The following SLFN5 variants were observed in gnomAD, a reference collection of about 807,000 sequenced individuals.
SLFN5 encodes the protein schlafen family member 5.
A neutral mutation model predicts 48.5 loss-of-function variants in SLFN5; 34 were observed. That is an observed-to-expected ratio of 0.70 (90% CI 0.53 to 0.93). The LOEUF (loss-of-function observed/expected upper bound fraction) is 0.93. Among genes scored for constraint, SLFN5 ranks in the 40% least tolerant of loss-of-function variants. The probability of loss-of-function intolerance (pLI) is 0.00; values close to 1 mark genes in which losing one functional copy is unlikely to be tolerated. For synonymous variants in SLFN5, 387 were observed against 396.2 expected (o/e 0.98, Z 0.28); for missense variants, 1,006 against 1,071.3 (o/e 0.94, Z 0.85).
chr17:35,261,113 G>A lies in SLFN5; in HGVS notation c.1138+17G>A, dbSNP rs566693731. The A allele has an allele frequency of 1.2e-6, 2 of 1,610,960 alleles. No individual in the cohort carries two copies. Among genetic ancestry groups the A allele is most frequent in the African/African-American group, 1.3e-5 (1 of 74,936 alleles). On this transcript the variant is annotated intron_variant, in intron 3 of 4. Coordinates refer to ENST00000299977, the MANE Select transcript of SLFN5 (RefSeq NM_144975.4). ...ACTTTCCAGGTAATTGGCCATCTCT[G>A]GTTGCTTTGGAATATGTTGATTGTT...
chr17:35,252,874 C>A lies in SLFN5; in HGVS notation c.-40-5777C>A, dbSNP rs543337744. Among the ~76,000 whole-genome samples, 3 of 152,044 alleles carry A rather than the reference C, an allele frequency of 2.0e-5. No individual in the cohort carries two copies. In the South Asian group the frequency reaches 6.2e-4, roughly 32 times the overall value. ...CTCTCCCACTTCTGCTTGCCAGGAG[C>A]CTCTTGTCTCTCGGGCTTTTTCTTC... On this transcript the variant is annotated intron_variant, in intron 1 of 4. Transcript: ENST00000299977.
rs1212875114 is a variant in SLFN5 at position 35,272,196 on chromosome 17, A to G, written c.*6308A>G. 4 of 152,216 alleles carry G rather than the reference A, an allele frequency of 2.6e-5. No homozygotes were observed. Among genetic ancestry groups the G allele is most frequent in the Non-Finnish European group, 5.9e-5 (4 of 68,034 alleles). 9.4% of individuals were successfully genotyped at this position (152,216 alleles called of 1,614,324 possible). ...ATATGTGGAGGGTCAATGGAACAAG[A>G]TGAAATGGCCAAAAATAAATTTAAA... On this transcript the variant is annotated 3_prime_UTR_variant, in exon 5 of 5. Transcript: ENST00000299977.
rs1904601616 is a variant in SLFN5 at position 35,264,102 on chromosome 17, T to C, written c.1139-81T>C. The C allele has an allele frequency of 1.6e-5, 23 of 1,471,858 alleles. No individual in the cohort carries two copies. In the South Asian group the frequency reaches 3.1e-4, roughly 20 times the overall value. The allele number at this position is 1,471,858 out of a possible 1,614,324, so 91.2% of individuals were successfully genotyped here. A position where few individuals can be genotyped will look rare whatever the true frequency, so the allele number is the denominator to read the frequency against. On this transcript the variant is annotated intron_variant, in intron 3 of 4. Transcript: ENST00000299977. ...TAGATACATAGTAGAGTCCCAGTGT[T>C]GATTAATTCTTCTACGTATAATGAT...
intron 1 of SLFN5, among the ~76,000 whole-genome samples, chr17:35,245,529 T>C (rs1206967107): frequency 6.6e-6 from 1 of 152,212 alleles, no homozygotes; most frequent in African/African-American, 2.4e-5. Flanking sequence ...CTATATACTA[T>C]CAGAAAATAG....
In SLFN5 at chr17:35,265,478, G is replaced by A; in HGVS notation, c.2266G>A (p.Gly756Ser). Residue 756 changes from glycine to serine, a missense_variant, in exon 5 of 5, where the codon GGC becomes AGC. Gly to Ser is a moderately conservative substitution (Grantham distance 56, BLOSUM62 0). Coordinates refer to ENST00000299977, the MANE Select transcript of SLFN5 (RefSeq NM_144975.4). ...YEPKWAQGVP[G>S]NLEIIEDLNL... ...ACCTAAATGGGCTCAAGGTGTCCCA[G>A]GCAACTTAGAGATTATTGAAGACTT... The A allele has an allele frequency of 1.2e-6, 2 of 1,614,236 alleles. No individual in the cohort carries two copies. Among genetic ancestry groups the A allele is most frequent in the Non-Finnish European group, 1.7e-6 (2 of 1,180,048 alleles).
intron 1 of SLFN5, among the ~76,000 whole-genome samples, chr17:35,257,218 A>T (rs1904369448): frequency 6.6e-6 from 1 of 152,164 alleles, no homozygotes; most frequent in South Asian, 2.1e-4. Context: ...CCCCATATTT[A>T]CATTTCCCAC....
At chr17:35,262,690 C>G (rs1274730067) in intron 3 of SLFN5, among the ~76,000 whole-genome samples, 1 of 152,106 alleles carries the variant, frequency 6.6e-6, no homozygotes, top group Non-Finnish European at 1.5e-5. Flanking sequence ...TGGTGAAACT[C>G]TGTCTCTACA....
In SLFN5 at chr17:35,265,724, G is replaced by A. The variant is rs565845708; in HGVS notation, c.2512G>A (p.Asp838Asn). Residue 838 changes from aspartate (D) to asparagine (N), a missense_variant, in exon 5 of 5, where the codon GAT becomes AAT. Transcript: ENST00000299977. ...QIGDASDVLT[D>N]HIVLDSVCRF... ...CGGTGATGCGTCGGATGTTCTAACCGATCACATTGTGTTGGACAGTGTCTG... is the reference window on the plus strand; with the variant it reads ...CGGTGATGCGTCGGATGTTCTAACCAATCACATTGTGTTGGACAGTGTCTG... 12 of 1,614,166 alleles carry A rather than the reference G, an allele frequency of 7.4e-6. No homozygotes were observed. The highest frequency in any genetic ancestry group is 2.7e-5 in the African/African-American group (2 of 75,038).
At chr17:35,264,925 A>C (rs370789842) in intron 4 of SLFN5, 22 bp downstream of exon 4, 244 of 1,540,690 alleles carry the variant, frequency 1.6e-4, no homozygotes, top group Middle Eastern at 1.8e-4. Flanking sequence ...GTCTGTGTTC[A>C]CTTTATTTTC....
Position 35,264,641 on chromosome 17 carries a change from C to T in SLFN5, c.1597C>T (p.Leu533Phe). ...GCACATGGAAGCCCTGTTACAGTCCCTCGTGATAGTCTTGCTTGGGTTCAA... is the reference window on the plus strand; with the variant it reads ...GCACATGGAAGCCCTGTTACAGTCCTTCGTGATAGTCTTGCTTGGGTTCAA... ...PQHMEALLQSLVIVLLGFKSF... is the reference protein window; with the variant it reads ...PQHMEALLQSFVIVLLGFKSF... Residue 533 changes from leucine (L) to phenylalanine (F), a missense_variant, in exon 4 of 5, where the codon CTC (leucine) becomes TTC (phenylalanine). By Grantham distance (22) the Leu-to-Phe change is conservative. Transcript: ENST00000299977. The T allele has an allele frequency of 6.2e-7, 1 of 1,614,188 alleles. No individual in the cohort carries two copies. The highest frequency in any genetic ancestry group is 8.5e-7 in the Non-Finnish European group (1 of 1,180,040).
Position 35,264,336 on chromosome 17 carries a change from T to A in SLFN5, c.1292T>A (p.Leu431Gln). 1 of 1,614,234 alleles carries A rather than the reference T, an allele frequency of 6.2e-7. No homozygotes were observed. Residue 431 changes from leucine (L) to glutamine (Q), a missense_variant, in exon 4 of 5, where the codon CTG becomes CAG. By Grantham distance (113) the Leu-to-Gln change is moderately radical. Coordinates refer to ENST00000299977, the MANE Select transcript of SLFN5 (RefSeq NM_144975.4). The stretch of plus-strand genomic sequence containing the variant: ...CAAAGCTGGGCTGTGGATTTAGGTC[T>A]GCAAGAGAAGCAGGGAGTCATCTGT... Reference protein sequence around the residue: ...FSQSWAVDLGLQEKQGVICDA... With the variant: ...FSQSWAVDLGQQEKQGVICDA...
At position 35,272,043 on chromosome 17, in the gene SLFN5, A is replaced by C. The variant is rs1904843442; in HGVS notation, c.*6155A>C. The C allele has an allele frequency of 6.6e-6, 1 of 152,094 alleles. No individual in the cohort carries two copies. Among genetic ancestry groups the C allele is most frequent in the African/African-American group, 2.4e-5 (1 of 41,410 alleles). 9.4% of individuals were successfully genotyped at this position (152,094 alleles called of 1,614,324 possible). A position where few individuals can be genotyped will look rare whatever the true frequency, so the allele number is the denominator to read the frequency against. On this transcript the variant is annotated 3_prime_UTR_variant, in exon 5 of 5. Transcript: ENST00000299977. ...GTGAGACCCTGTCTCAAAAAAAAAA[A>C]AATTATTGGAAACTACGAGGCAAGA...
intron 1 of SLFN5, among the ~76,000 whole-genome samples, chr17:35,248,663 T>C (rs1441089159): frequency 6.6e-6 from 1 of 151,894 alleles, no homozygotes; most frequent in Non-Finnish European, 1.5e-5. Context: ...CCTCTGAATA[T>C]CCATCCCTCT....
At chr17:35,261,660 C>T (rs892162888) in intron 3 of SLFN5, among the ~76,000 whole-genome samples, 27 of 149,782 alleles carry the variant, frequency 1.8e-4, no homozygotes, top group Admixed American at 1.0e-3. Context: ...TGAGCCACCA[C>T]GCCAAGCCAC....
chr17:35,245,770 C>A (rs1014011424), intron 1 of SLFN5, among the ~76,000 whole-genome samples: 31 of 150,306 alleles, frequency 2.1e-4, no homozygotes, highest in African/African-American at 7.1e-4. Context: ...CAGTCTATGT[C>A]TTTCACAAAT....
intron 3 of SLFN5, among the ~76,000 whole-genome samples, chr17:35,262,808 G>A (rs1467735508): frequency 1.3e-5 from 2 of 152,122 alleles, no homozygotes; most frequent in African/African-American, 2.4e-5. Flanking sequence ...AGGCTGCAGT[G>A]AGCCATGATC....
chr17:35,246,189 T>A lies in SLFN5; in HGVS notation c.-41+3046T>A, dbSNP rs551627262. The stretch of plus-strand genomic sequence containing the variant: ...TATTCATTTTTAAATTGGGTTTTTT[T>A]ATCATTACTTTTTGAGTGTTCTATA... On this transcript the variant is annotated intron_variant, in intron 1 of 4. Transcript: ENST00000299977. Among the ~76,000 whole-genome samples, 22 of 152,376 alleles carry A rather than the reference T, an allele frequency of 1.4e-4. No individual in the cohort carries two copies. The South Asian group carries it at 3.9e-3, about 27-fold the overall frequency.
At chr17:35,250,529 G>A (rs561929487) in intron 1 of SLFN5, among the ~76,000 whole-genome samples, 1 of 152,134 alleles carries the variant, frequency 6.6e-6, no homozygotes, top group East Asian at 1.9e-4. Flanking sequence ...GCGTGGTGGC[G>A]GGCGCCTGTA....
chr17:35,265,798 A>G lies in SLFN5; in HGVS notation c.2586A>G (p.Gly862=). ...ATATCGTGTTTGGAATCAATCCAGGAGTAGCCCCACCGGCTGGGGCCTACA... is the reference window on the plus strand; with the variant it reads ...ATATCGTGTTTGGAATCAATCCAGGGGTAGCCCCACCGGCTGGGGCCTACA... ...ERNIVFGINP[G]VAPPAGAYNL... Residue 862 remains glycine, a synonymous_variant, in exon 5 of 5, where the codon GGA becomes GGG. Coordinates refer to ENST00000299977, the MANE Select transcript of SLFN5 (RefSeq NM_144975.4). The G allele has an allele frequency of 6.2e-7, 1 of 1,614,212 alleles. No homozygotes were observed.
Sources: allele counts gnomAD v4.1 joint callset (sites outside exome capture counted in the v4.1 genomes callset), GRCh38; gene constraint gnomAD v4.1.1; transcripts MANE v1.5; gene names NCBI Gene and HGNC (gene_info 2026-07-23, HGNC 2026-07-21).